NKAIN3: variants seen among roughly 807,000 people sequenced by gnomAD.
The protein encoded by NKAIN3 is sodium/potassium transporting ATPase interacting 3.
A neutral mutation model predicts 30.2 loss-of-function variants in NKAIN3; 25 were observed. That is an observed-to-expected ratio of 0.83 (90% CI 0.60 to 1.16). The LOEUF (loss-of-function observed/expected upper bound fraction) is 1.16. NKAIN3 is among the 50% of genes most tolerant of loss of function. NKAIN3 has a pLI of 0.00. For synonymous variants in NKAIN3, 91 were observed against 89.6 expected, an observed-to-expected ratio of 1.02 and a Z score of -0.09; for missense variants, 225 against 254.1, an observed-to-expected ratio of 0.89 and a Z score of 0.78.
In NKAIN3 at chr8:62,965,548, C is replaced by G. The variant is rs573515676; in HGVS notation, c.*141C>G. Reference sequence around the variant, plus strand: ...GCCTTTGTATTATTAGCATTGTTCTCTAGATGAGTTCTAGGTGCTTGGGTG... The same window carrying G: ...GCCTTTGTATTATTAGCATTGTTCTGTAGATGAGTTCTAGGTGCTTGGGTG... On this transcript the variant is annotated 3_prime_UTR_variant, in exon 7 of 7. Coordinates refer to ENST00000623646, the MANE Select transcript of NKAIN3 (RefSeq NM_001304533.3). 13 of 981,094 alleles carry G rather than the reference C, an allele frequency of 1.3e-5. No individual in the cohort carries two copies. The East Asian group carries it at 5.8e-4, about 44-fold the overall frequency. 60.8% of individuals were successfully genotyped at this position (981,094 alleles called of 1,614,324 possible).
chr8:62,389,990 C>A (rs1328926247), intron 1 of NKAIN3, among the ~76,000 whole-genome samples: 1 of 152,126 alleles, frequency 6.6e-6, no homozygotes, highest in Non-Finnish European at 1.5e-5. Flanking sequence ...GGGAACAAGT[C>A]ACCTGTGTAG....
chr8:62,505,412 T>G (rs1022388253), intron 1 of NKAIN3, among the ~76,000 whole-genome samples: 4 of 152,170 alleles, frequency 2.6e-5, no homozygotes, highest in African/African-American at 9.7e-5. Context: ...TTTCTCCTGG[T>G]ACTAAAGTTT....
At chr8:62,509,333 C>A (rs1028667674) in intron 1 of NKAIN3, among the ~76,000 whole-genome samples, 4 of 152,072 alleles carry the variant, frequency 2.6e-5, no homozygotes, top group Admixed American at 6.6e-5. Context: ...TTTGACCACC[C>A]GCCACACCCT....
intron 1 of NKAIN3, among the ~76,000 whole-genome samples, chr8:62,275,682 ATTTAG>A (rs1431261851): frequency 6.6e-6 from 1 of 152,222 alleles, no homozygotes; most frequent in Non-Finnish European, 1.5e-5. Context: ...TTAAAAGCTT[ATTTAG>A]TTTAGTGCAA....
chr8:62,811,359 G>T (rs190911999), intron 4 of NKAIN3, among the ~76,000 whole-genome samples: 1 of 152,020 alleles, frequency 6.6e-6, no homozygotes, highest in Non-Finnish European at 1.5e-5. Context: ...GTGAAAAAAA[G>T]TTTTCATTTC....
chr8:62,340,379 A>G (rs1815702546), intron 1 of NKAIN3, among the ~76,000 whole-genome samples: 1 of 151,828 alleles, frequency 6.6e-6, no homozygotes, highest in Non-Finnish European at 1.5e-5. Context: ...TCTAGGTTTT[A>G]TGGCTTGCTT....
intron 1 of NKAIN3, among the ~76,000 whole-genome samples, chr8:62,576,716 T>G (rs1810120711): frequency 6.6e-6 from 1 of 152,156 alleles, no homozygotes; most frequent in African/African-American, 2.4e-5. Context: ...TTAAGTTCAC[T>G]GACCATAGAA....
chr8:62,894,737 C>G (rs555387920), intron 4 of NKAIN3, among the ~76,000 whole-genome samples: 1 of 152,216 alleles, frequency 6.6e-6, no homozygotes, highest in Admixed American at 6.6e-5. Context: ...TTGTTTTTCT[C>G]TCATGTCGAA....
chr8:62,870,057 A>G (rs1356493410), intron 4 of NKAIN3, among the ~76,000 whole-genome samples: 1 of 151,474 alleles, frequency 6.6e-6, no homozygotes, highest in Admixed American at 6.6e-5. Flanking sequence ...GGTGTGAGCC[A>G]CCGCGCCCAG....
At chr8:62,801,610 C>A (rs1243226405) in intron 4 of NKAIN3, among the ~76,000 whole-genome samples, 2 of 152,124 alleles carry the variant, frequency 1.3e-5, no homozygotes, top group Non-Finnish European at 2.9e-5. Flanking sequence ...ACACCAAAAA[C>A]CCATCTGTAC....
At chr8:62,578,186 T>C (rs140255920) in intron 1 of NKAIN3, among the ~76,000 whole-genome samples, 1 of 152,252 alleles carries the variant, frequency 6.6e-6, no homozygotes, top group African/African-American at 2.4e-5. Context: ...TATTGTAAAA[T>C]TTTTCAATGT....
intron 3 of NKAIN3, among the ~76,000 whole-genome samples, chr8:62,647,305 C>A (rs1383474333): frequency 6.6e-6 from 1 of 152,272 alleles, no homozygotes. Flanking sequence ...GGACTCCATG[C>A]AGATGAAAAG....
rs1024517874 is a variant in NKAIN3, at chr8:62,577,016, G to A, written c.55-2523G>A. ...AAATGGAAGTTAGATAGAATAATTA[G>A]GTAAAAAATACAATGGTGCTTTGTT... On this transcript the variant is annotated intron_variant, in intron 1 of 6. Transcript: ENST00000623646. Among the ~76,000 whole-genome samples the A allele has an allele frequency of 3.3e-5, 5 of 151,968 alleles. No individual in the cohort carries two copies. The South Asian group carries it at 1.0e-3, about 32-fold the overall frequency.
At chr8:62,615,814 C>G (rs1339354090) in intron 3 of NKAIN3, among the ~76,000 whole-genome samples, 1 of 152,124 alleles carries the variant, frequency 6.6e-6, no homozygotes, top group Non-Finnish European at 1.5e-5. Context: ...CAGAGCTGCT[C>G]TTAGCACCAC....
intron 3 of NKAIN3, among the ~76,000 whole-genome samples, chr8:62,624,423 A>G (rs754892917): frequency 6.8e-6 from 1 of 147,306 alleles, no homozygotes; most frequent in Non-Finnish European, 1.5e-5. Flanking sequence ...ATCTAACTCT[A>G]CTCTCTCTTT....
chr8:62,964,200 G>A (rs759352675), intron 6 of NKAIN3, among the ~76,000 whole-genome samples: 2 of 152,182 alleles, frequency 1.3e-5, no homozygotes, highest in Non-Finnish European at 2.9e-5. Context: ...AGGGAGAACT[G>A]GAAGTCTTCT....
chr8:62,300,140 T>C (rs1047940565), intron 1 of NKAIN3, among the ~76,000 whole-genome samples: 2 of 152,102 alleles, frequency 1.3e-5, no homozygotes, highest in African/African-American at 4.8e-5. Context: ...CAGGTTTGTA[T>C]GCATGGTGGT....
chr8:62,855,793 C>A, intron 4 of NKAIN3: 1 of 1,037,512 alleles, frequency 9.6e-7, no homozygotes, highest in Non-Finnish European at 1.5e-6. Context: ...TTATCATCAG[C>A]AAAGAGTAAA....
chr8:62,662,916 AG>A (rs1812990343), intron 3 of NKAIN3, among the ~76,000 whole-genome samples: 1 of 152,260 alleles, frequency 6.6e-6, no homozygotes, highest in Non-Finnish European at 1.5e-5. Context: ...ACTCCTATGA[AG>A]ATGTAGAAGA....
Sources: allele counts gnomAD v4.1 joint callset (sites outside exome capture counted in the v4.1 genomes callset), GRCh38; gene constraint gnomAD v4.1.1; transcripts MANE v1.5; gene names NCBI Gene and HGNC (gene_info 2026-07-23, HGNC 2026-07-21).